SYNE3: variants seen among roughly 807,000 people sequenced by gnomAD.
The protein encoded by SYNE3 is spectrin repeat containing nuclear envelope family member 3.
In SYNE3, 100 loss-of-function variants were observed where a neutral mutation model predicts 111.2. The ratio of observed to expected loss-of-function variants is 0.90; its 90% CI spans 0.77 to 1.06. The LOEUF is 1.06. SYNE3 is among the 50% of genes least tolerant of loss of function. SYNE3 has a pLI of 0.00. For missense variants in SYNE3, 1,160 were observed against 1,240.3 expected (o/e 0.94, Z 0.97); for synonymous variants, 547 against 533.9 (o/e 1.02, Z -0.34).
chr14:95,468,215 C>T (rs1888314240), intron 2 of SYNE3, among the ~76,000 whole-genome samples: 1 of 152,240 alleles, frequency 6.6e-6, no homozygotes, highest in African/African-American at 2.4e-5. Flanking sequence ...TCCTTCCCCA[C>T]TCGGCCCATT....
intron 1 of SYNE3, among the ~76,000 whole-genome samples, chr14:95,506,049 A>G (rs1890515230): frequency 1.3e-5 from 2 of 152,202 alleles, no homozygotes; most frequent in Non-Finnish European, 2.9e-5. Context: ...TATAATCAGA[A>G]GGATTAAAAG....
At chr14:95,452,888 C>T (rs535073205) in intron 6 of SYNE3, among the ~76,000 whole-genome samples, 10 of 152,258 alleles carry the variant, frequency 6.6e-5, no homozygotes, top group African/African-American at 2.4e-5. Flanking sequence ...TTTGTGAACC[C>T]GGTTATTATT....
At chr14:95,427,586 T>C (rs1056296700) in intron 17 of SYNE3, among the ~76,000 whole-genome samples, 2 of 152,126 alleles carry the variant, frequency 1.3e-5, no homozygotes, top group African/African-American at 4.8e-5. Context: ...TCCCTCTCTC[T>C]CCCTCTCTCT....
chr14:95,415,276 G>GCCCCCGGGGGGGGGGGGGGGCC lies in SYNE3; in HGVS notation c.*2549_*2550insGGCCCCCCCCCCCCCCCGGGGG. ...CATAGGAAAGTGGACACCTGGCAAG[G>GCCCCCGGGGGGGGGGGGGGGCC]CCCCCCCACCCACCCACCCTGCCAC... On this transcript the variant is annotated 3_prime_UTR_variant, in exon 18 of 18. Coordinates refer to ENST00000682763, the MANE Select transcript of SYNE3 (RefSeq NM_152592.6). 1 of 139,696 alleles carries GCCCCCGGGGGGGGGGGGGGGCC rather than the reference G, an allele frequency of 7.2e-6. No homozygotes were observed. The highest frequency in any genetic ancestry group is 1.5e-5 in the Non-Finnish European group (1 of 64,600). The allele number at this position is 139,696 out of a possible 1,614,324, so 8.7% of individuals were successfully genotyped here. A position where few individuals can be genotyped will look rare whatever the true frequency, so the allele number is the denominator to read the frequency against.
chr14:95,471,229 G>A (rs1888508465), intron 2 of SYNE3, among the ~76,000 whole-genome samples: 1 of 152,174 alleles, frequency 6.6e-6, no homozygotes. Flanking sequence ...CAACTCTGGG[G>A]AAGAAGTGAA....
At chr14:95,449,517 T>A (rs565291641) in intron 8 of SYNE3, 1 of 985,440 alleles carries the variant, frequency 1.0e-6, no homozygotes, top group African/African-American at 1.7e-5. Flanking sequence ...AAGGGCTTGG[T>A]CCTGGTGACA....
At position 95,443,204 on chromosome 14, in the gene SYNE3, T is replaced by C. The variant is rs771649997; in HGVS notation, c.1862A>G (p.Lys621Arg). Residue 621 changes from lysine (K) to arginine (R), a missense_variant, in exon 11 of 18, where the codon AAA becomes AGA. Coordinates refer to ENST00000682763, the MANE Select transcript of SYNE3 (RefSeq NM_152592.6). Reference protein sequence around the residue: ...LVQENPNHQHKMDQLSSDFQA... With the variant: ...LVQENPNHQHRMDQLSSDFQA... ...GAAGTCGGAGGAAAGCTGGTCCATT[T>C]TGTGCTGGTGGTTGGGGTTCTCCTG... 2.9e-5 allele frequency: 47 copies of C among 1,614,070 alleles called. No individual in the cohort carries two copies. Among genetic ancestry groups the C allele is most frequent in the Admixed American group, 5.0e-5 (3 of 60,006 alleles).
rs767463552 is a variant in SYNE3 at position 95,439,731 on chromosome 14, C to A, written c.2127G>T (p.Ala709=). 1 of 1,614,134 alleles carries A rather than the reference C, an allele frequency of 6.2e-7. No homozygotes were observed. The highest frequency in any genetic ancestry group is 1.6e-4 in the Middle Eastern group (1 of 6,062). Residue 709 remains alanine (A), a synonymous_variant, in exon 13 of 18, where the codon GCG becomes GCT. Coordinates refer to ENST00000682763, the MANE Select transcript of SYNE3 (RefSeq NM_152592.6). Reference sequence around the variant, plus strand: ...ACTTCTCCATCACCAGCCAGCCCTGCGCTTCCACCAGGGACAGCTGGGCCT... The same window carrying A: ...ACTTCTCCATCACCAGCCAGCCCTGAGCTTCCACCAGGGACAGCTGGGCCT... The part of the protein sequence containing the change: ...EKEAQLSLVE[A]QGWLVMEKSS...
At position 95,449,422 on chromosome 14, in the gene SYNE3, G is replaced by A. The variant is rs149181313; in HGVS notation, c.1449+509C>T. The A allele has an allele frequency of 1.7e-4, 171 of 985,380 alleles. No individual in the cohort carries two copies. The Middle Eastern group carries it at 2.6e-3, about 15-fold the overall frequency. 61.0% of individuals were successfully genotyped at this position (985,380 alleles called of 1,614,324 possible). On this transcript the variant is annotated intron_variant, in intron 8 of 17. Transcript: ENST00000682763. ...CTGTGCATCCGCGGCTCCATCCGGA[G>A]CCAGTTGTTGTTCATGGGAGATGCA...
chr14:95,494,833 C>T (rs556149879), intron 1 of SYNE3, among the ~76,000 whole-genome samples: 1 of 152,312 alleles, frequency 6.6e-6, no homozygotes, highest in African/African-American at 2.4e-5. Context: ...GCCATGGGTG[C>T]TGGGCGCCGT....
chr14:95,511,384 C>T (rs1890715345), intron 1 of SYNE3, among the ~76,000 whole-genome samples: 1 of 152,124 alleles, frequency 6.6e-6, no homozygotes, highest in Non-Finnish European at 1.5e-5. Context: ...TAAAATGTAA[C>T]TCTCTTCTGA....
At chr14:95,428,891 A>C (rs1290137730) in intron 17 of SYNE3, among the ~76,000 whole-genome samples, 1 of 152,220 alleles carries the variant, frequency 6.6e-6, no homozygotes, top group Non-Finnish European at 1.5e-5. Flanking sequence ...GGAGGGAGGA[A>C]AAAAAGTGTG....
rs374360574 is a variant in SYNE3 at position 95,444,536 on chromosome 14, C to T, written c.1725G>A (p.Lys575=). Residue 575 remains lysine (K), a synonymous_variant, in exon 10 of 18, where the codon AAG becomes AAA. Coordinates refer to ENST00000682763, the MANE Select transcript of SYNE3 (RefSeq NM_152592.6). ...TTCCAGGAAGGTCCCGCTGAAGCCC[C>T]TTCTCGGCTTGGACCCTGACCTGGA... is the stretch of plus-strand genomic sequence containing the variant. ...LDLQVRVQAE[K]GLQRDLPGKQ... is the part of the protein sequence containing the mutation. 6.8e-6 allele frequency: 11 copies of T among 1,613,610 alleles called. No homozygotes were observed. Among genetic ancestry groups the T allele is most frequent in the African/African-American group, 1.3e-5 (1 of 74,930 alleles).
intron 1 of SYNE3, among the ~76,000 whole-genome samples, chr14:95,477,496 T>C (rs11628959): frequency 0.55 from 83,048 of 152,168 alleles, 23,116 homozygotes; most frequent in African/African-American, 0.67. Context: ...AAAATAAAAA[T>C]TGTCTTCACT....
intron 4 of SYNE3, among the ~76,000 whole-genome samples, chr14:95,459,349 C>T (rs1887650034): frequency 6.6e-6 from 1 of 152,038 alleles, no homozygotes; most frequent in Non-Finnish European, 1.5e-5. Context: ...TTCCTTGAGC[C>T]CAGGAGTTCA....
At chr14:95,454,428 T>A (rs11845540) in intron 6 of SYNE3, among the ~76,000 whole-genome samples, 16,487 of 152,244 alleles carry the variant, frequency 0.11, 2,926 homozygotes, top group African/African-American at 0.37. Flanking sequence ...CGAAAGCCAC[T>A]CAGTTAGCAA....
At chr14:95,498,421 G>A (rs1164341131) in intron 1 of SYNE3, among the ~76,000 whole-genome samples, 1 of 152,202 alleles carries the variant, frequency 6.6e-6, no homozygotes. Flanking sequence ...GTTTCACCAT[G>A]TTGGCCAGGC....
intron 16 of SYNE3, among the ~76,000 whole-genome samples, chr14:95,432,858 G>A (rs1051579326): frequency 1.3e-5 from 2 of 151,946 alleles, no homozygotes; most frequent in Non-Finnish European, 2.9e-5. Flanking sequence ...GACCACCCAC[G>A]CGGCCTCGGG....
intron 1 of SYNE3, among the ~76,000 whole-genome samples, chr14:95,493,555 T>C (rs1231946603): frequency 6.6e-6 from 1 of 152,182 alleles, no homozygotes; most frequent in Non-Finnish European, 1.5e-5. Context: ...CTTATATAAA[T>C]GACATGAAAT....
Sources: gnomAD v4.1 joint callset for allele counts (sites outside exome capture counted in the v4.1 genomes callset) on GRCh38, gnomAD v4.1.1 for gene constraint, MANE v1.5 for transcripts, NCBI Gene and HGNC (gene_info 2026-07-23, HGNC 2026-07-21) for gene names.